The following RABGAP1L variants were observed in gnomAD, a reference collection of about 807,000 sequenced individuals.
RABGAP1L encodes the protein rab GTPase-activating protein 1-like.
RABGAP1L carries 63 observed loss-of-function variants against 137.7 expected under a neutral mutation model. That is an observed-to-expected ratio of 0.46 (90% CI 0.37 to 0.56). The LOEUF (loss-of-function observed/expected upper bound fraction) is 0.56. RABGAP1L is among the 20% of genes least tolerant of loss of function. The pLI, the probability that RABGAP1L is intolerant of heterozygous loss-of-function variation, is 0.00. For synonymous variants in RABGAP1L, 431 were observed against 433.7 expected (o/e 0.99, Z 0.08); for missense variants, 1,095 against 1,244.0 (o/e 0.88, Z 1.80).
At chr1:174,479,275 T>G (rs1658827998) in intron 13 of RABGAP1L, among the ~76,000 whole-genome samples, 1 of 152,186 alleles carries the variant, frequency 6.6e-6, no homozygotes, top group South Asian at 2.1e-4. Context: ...GTCTAGTGCT[T>G]CCTAATGCAT....
At chr1:174,285,947 A>G (rs985337502) in intron 10 of RABGAP1L, among the ~76,000 whole-genome samples, 2 of 152,094 alleles carry the variant, frequency 1.3e-5, no homozygotes, top group African/African-American at 4.8e-5. Flanking sequence ...GATCATGTGT[A>G]TGATCTTTTT....
chr1:174,881,343 G>A (rs1464139578), intron 19 of RABGAP1L, among the ~76,000 whole-genome samples: 13 of 151,946 alleles, frequency 8.6e-5, no homozygotes, highest in Admixed American at 8.5e-4. Flanking sequence ...TTTAAATAAT[G>A]CAGATCTTGG....
intron 11 of RABGAP1L, among the ~76,000 whole-genome samples, chr1:174,356,338 AT>A (rs1558161045): frequency 6.6e-6 from 1 of 152,130 alleles, no homozygotes; most frequent in East Asian, 1.9e-4. Flanking sequence ...AATACCTTCA[AT>A]CACAACATTT....
intron 15 of RABGAP1L, among the ~76,000 whole-genome samples, chr1:174,685,931 C>T (rs1205892445): frequency 6.6e-6 from 1 of 152,158 alleles, no homozygotes; most frequent in Non-Finnish European, 1.5e-5. Context: ...GATATATGTT[C>T]AGCAGCCAGT....
At chr1:174,512,490 G>T (rs930535688) in intron 13 of RABGAP1L, among the ~76,000 whole-genome samples, 1 of 152,200 alleles carries the variant, frequency 6.6e-6, no homozygotes, top group South Asian at 2.1e-4. Context: ...TAAGAAGTGA[G>T]TGTTTAAGCC....
chr1:174,616,448 A>G (rs570457968), intron 13 of RABGAP1L, among the ~76,000 whole-genome samples: 28 of 152,346 alleles, frequency 1.8e-4, no homozygotes, highest in African/African-American at 5.3e-4. Context: ...TGATTTATTC[A>G]GTACTCATTT....
intron 13 of RABGAP1L, among the ~76,000 whole-genome samples, chr1:174,534,775 CAA>C (rs71117567): frequency 0.011 from 798 of 71,514 alleles, 7 homozygotes; most frequent in African/African-American, 0.032. Flanking sequence ...ACTCTGTCTC[CAA>C]AAAAAAAAAA....
chr1:174,633,290 C>T (rs1204038720), intron 13 of RABGAP1L, among the ~76,000 whole-genome samples: 2 of 144,354 alleles, frequency 1.4e-5, no homozygotes, highest in Non-Finnish European at 1.5e-5. Flanking sequence ...ACAATTGCTT[C>T]AAAGAGAATA....
rs899897966 is a variant in RABGAP1L, at chr1:174,312,609, G to A, written c.1465+7482G>A. The stretch of plus-strand genomic sequence containing the variant: ...GTGCAGAAGCTTTCTAACTTGATAC[G>A]GTCTCATTTGTTCATGTTTGCTTTG... On this transcript the variant is annotated intron_variant, in intron 11 of 25. Transcript: ENST00000681986. Among the ~76,000 whole-genome samples, 9 of 151,972 alleles carry A rather than the reference G, an allele frequency of 5.9e-5. No individual in the cohort carries two copies. The East Asian group carries it at 9.7e-4, about 16-fold the overall frequency.
intron 18 of RABGAP1L, chr1:174,800,579 G>C (rs374538844): frequency 6.7e-7 from 1 of 1,490,850 alleles, no homozygotes. Context: ...TCTGAAAGAG[G>C]CTTGTTGTCT....
At chr1:174,916,677 A>T (rs543054832) in intron 19 of RABGAP1L, among the ~76,000 whole-genome samples, 3 of 152,198 alleles carry the variant, frequency 2.0e-5, no homozygotes, top group Non-Finnish European at 4.4e-5. Flanking sequence ...GAAGTCAGGA[A>T]ATCAGACTCG....
intron 19 of RABGAP1L, among the ~76,000 whole-genome samples, chr1:174,914,208 A>T (rs1225765498): frequency 6.6e-6 from 1 of 152,190 alleles, no homozygotes; most frequent in Non-Finnish European, 1.5e-5. Flanking sequence ...GTCCAAGGCC[A>T]GTAGGGTGCC....
intron 12 of RABGAP1L, among the ~76,000 whole-genome samples, chr1:174,386,829 G>A: frequency 6.6e-6 from 1 of 152,114 alleles, no homozygotes; most frequent in East Asian, 1.9e-4. Context: ...ATAAGAGCAT[G>A]TAGAAGTTCT....
intron 12 of RABGAP1L, among the ~76,000 whole-genome samples, chr1:174,393,670 T>C (rs1429217846): frequency 2.6e-5 from 4 of 152,234 alleles, no homozygotes; most frequent in African/African-American, 9.6e-5. Flanking sequence ...GTTCTTTTTA[T>C]GCCTTGAAAT....
intron 17 of RABGAP1L, among the ~76,000 whole-genome samples, chr1:174,745,322 C>T (rs757092967): frequency 5.9e-5 from 9 of 152,164 alleles, no homozygotes; most frequent in Non-Finnish European, 1.0e-4. Context: ...ATCTGAAGGC[C>T]TGGGCACATA....
chr1:174,982,443 G>A (rs1671225296), intron 23 of RABGAP1L, among the ~76,000 whole-genome samples: 2 of 152,294 alleles, frequency 1.3e-5, no homozygotes, highest in South Asian at 4.1e-4. Context: ...ACAGTAGAAA[G>A]GAGATATTTC....
intron 13 of RABGAP1L, among the ~76,000 whole-genome samples, chr1:174,466,611 A>G (rs1657321873): frequency 6.6e-6 from 1 of 152,150 alleles, no homozygotes; most frequent in Admixed American, 6.5e-5. Context: ...ACATGGTGAA[A>G]CCCTGTCTCT....
At position 174,272,463 on chromosome 1, in the gene RABGAP1L, A is replaced by G; in HGVS notation, c.1036A>G (p.Met346Val). 1 of 1,598,612 alleles carries G rather than the reference A, an allele frequency of 6.3e-7. No individual in the cohort carries two copies. The highest frequency in any genetic ancestry group is 8.5e-7 in the Non-Finnish European group (1 of 1,174,242). Residue 346 changes from methionine to valine, a missense_variant, in exon 8 of 26, where the codon ATG becomes GTG. Physicochemically the swap from Met to Val is conservative, Grantham distance 21. Around this residue, in one of 4 missense-constraint regions of RABGAP1L, gnomAD observed 112 missense variants for 157.3 expected, o/e 0.71. Transcript: ENST00000681986. ...AGGTCGAAACGTGAAGAACAGTGAC[A>G]TGCATTTACTGGATATGGTAATGAT... Reference protein sequence around the residue: ...SPGRNVKNSDMHLLDMESMGK... With the variant: ...SPGRNVKNSDVHLLDMESMGK...
intron 14 of RABGAP1L, among the ~76,000 whole-genome samples, chr1:174,669,959 C>T (rs191257401): frequency 1.2e-4 from 19 of 152,166 alleles, no homozygotes; most frequent in Non-Finnish European, 2.5e-4. Flanking sequence ...TTTGGCTATT[C>T]AAGGTCTTTT....
Sources: gnomAD v4.1 joint callset for allele counts (sites outside exome capture counted in the v4.1 genomes callset) on GRCh38, gnomAD v4.1.1 for gene constraint, gnomAD v4.1.1 regional missense constraint, MANE v1.5 for transcripts, NCBI Gene and HGNC (gene_info 2026-07-23, HGNC 2026-07-21) for gene names.